Variants in KRT14 observed in about 807,000 individuals in gnomAD.
The protein encoded by KRT14 is keratin, type I cytoskeletal 14.
Under a neutral mutation model 44.5 loss-of-function variants are expected in KRT14, and 30 were observed. That is an observed-to-expected ratio of 0.67 (90% CI 0.50 to 0.92). The LOEUF is 0.92. Among genes scored for constraint, KRT14 ranks in the 40% least tolerant of loss-of-function variants. The probability of loss-of-function intolerance (pLI) is 0.00; values close to 1 mark genes in which losing one functional copy is unlikely to be tolerated. For missense variants in KRT14, 535 were observed against 640.6 expected, an observed-to-expected ratio of 0.84 and a Z score of 1.78; for synonymous variants, 241 against 257.6, an observed-to-expected ratio of 0.94 and a Z score of 0.62.
At chr17:41,585,096 A>G (rs371282638) in intron 1 of KRT14, 39 bp from the exon 2 acceptor site, 6 of 1,479,424 alleles carry the variant, frequency 4.1e-6, no homozygotes, top group Non-Finnish European at 5.7e-6. Context: ...TGTCAAATGG[A>G]CTTCACAAGC....
At chr17:41,584,557 C>G in intron 2 of KRT14, 144 bp from the exon 3 acceptor site, 1 of 814,518 alleles carries the variant, frequency 1.2e-6, no homozygotes, top group South Asian at 1.5e-5. Context: ...TGGTTGAACA[C>G]AGTGCCCATT....
In KRT14 at chr17:41,586,310, C is replaced by T. The variant is rs768714133; in HGVS notation, c.525G>A (p.Lys175=). 27 of 1,612,026 alleles carry T rather than the reference C, an allele frequency of 1.7e-5. No individual in the cohort carries two copies. The East Asian group carries it at 6.0e-4, about 36-fold the overall frequency. The stretch of plus-strand genomic sequence containing the variant: ...TGCCTTCTGCTGCCCATTCACCCAC[C>T]TTGTTCCTCAGGTCCTCAATGGTCT... ...YFKTIEDLRN[K]ILTATVDNAN... is the part of the protein sequence containing the mutation. The change falls in exon 1 of 8, where the codon AAG becomes AAA. Residue 175 remains lysine (K), a splice_region_variant and synonymous_variant. Coordinates refer to ENST00000167586, the MANE Select transcript of KRT14 (RefSeq NM_000526.5).
intron 3 of KRT14, 148 bp from the exon 4 acceptor site, chr17:41,584,069 C>CTCTCTTTT: frequency 3.3e-6 from 1 of 304,052 alleles, no homozygotes; most frequent in Admixed American, 5.6e-5. Context: ...CTCTCTCTCT[C>CTCTCTTTT]TTTTTTTTTT....
In KRT14 at chr17:41,584,247, T is replaced by C. The variant is rs1237477316; in HGVS notation, c.765+10A>G. ...TTTCTTTTAAGCTGACTTTTCCATATAGTTCTCACCTCCTCGTGGTTCTTC... is the reference window on the plus strand; with the variant it reads ...TTTCTTTTAAGCTGACTTTTCCATACAGTTCTCACCTCCTCGTGGTTCTTC... On this transcript the variant is annotated intron_variant, in intron 3 of 7. Transcript: ENST00000167586. The C allele has an allele frequency of 6.2e-7, 1 of 1,613,620 alleles. No individual in the cohort carries two copies. The highest frequency in any genetic ancestry group is 1.3e-5 in the African/African-American group (1 of 74,778).
Position 41,582,505 on chromosome 17 carries a change from G to C in KRT14, c.1349C>G (p.Thr450Ser). 1 of 1,570,802 alleles carries C rather than the reference G, an allele frequency of 6.4e-7. No homozygotes were observed. Among genetic ancestry groups the C allele is most frequent in the African/African-American group, 1.4e-5 (1 of 74,028 alleles). ...DVTSSSRQIR[T>S]KVMDVHDGKV... ...GCCATCGTGCACATCCATGACCTTG[G>C]TGCGGATTTGGCGGCTGGAGGAGGT... Residue 450 changes from threonine (T) to serine (S), a missense_variant, in exon 8 of 8, where the codon ACC becomes AGC. Transcript: ENST00000167586.
intron 5 of KRT14, 39 bp from the exon 6 acceptor site, chr17:41,583,494 T>A: frequency 6.2e-7 from 1 of 1,614,190 alleles, no homozygotes; most frequent in Non-Finnish European, 8.5e-7. Flanking sequence ...TTAGTGAGTG[T>A]GGCCGTTCTC....
intron 7 of KRT14, 138 bp downstream of exon 7, chr17:41,582,956 A>C (rs1285795367): frequency 1.2e-6 from 1 of 855,288 alleles, no homozygotes; most frequent in Non-Finnish European, 1.9e-6. Context: ...AGCTTCTTCC[A>C]CCCAAGGAGG....
intron 7 of KRT14, chr17:41,582,823 G>A: frequency 1.7e-6 from 1 of 602,428 alleles, no homozygotes; most frequent in South Asian, 2.0e-5. Context: ...GTCTCAGTGG[G>A]AAGAGCCCTG....
rs1378234794 is a variant in KRT14, at chr17:41,583,596, G to A, written c.1008C>T (p.Arg336=). ...GCTCAATCTCCAGGTTCTGCATGGTGCGCCGGAGCTCCGAGATCTCGCTCT... is the reference window on the plus strand; with the variant it reads ...GCTCAATCTCCAGGTTCTGCATGGTACGCCGGAGCTCCGAGATCTCGCTCT... ...SGKSEISELR[R]TMQNLEIELQ... Residue 336 remains arginine, a synonymous_variant, in exon 5 of 8, where the codon CGC becomes CGT. Transcript: ENST00000167586. The A allele has an allele frequency of 6.2e-7, 1 of 1,614,110 alleles. No individual in the cohort carries two copies. The highest frequency in any genetic ancestry group is 1.3e-5 in the African/African-American group (1 of 74,936).
rs202157466 is a variant in KRT14 at position 41,583,831 on chromosome 17, C to G, written c.856G>C (p.Glu286Gln). The G allele has an allele frequency of 1.0e-4, 163 of 1,614,182 alleles. No individual in the cohort carries two copies. Among genetic ancestry groups the G allele is most frequent in the Middle Eastern group, 4.9e-4 (3 of 6,062 alleles). Residue 286 changes from glutamate (E) to glutamine (Q), a missense_variant, in exon 4 of 8, where the codon GAG (glutamate) becomes CAG (glutamine). Coordinates refer to ENST00000167586, the MANE Select transcript of KRT14 (RefSeq NM_000526.5). ...ATCTTCTCATACTGGTCACGCATCT[C>G]GTTCAGAATGCGGCTCAGGTCCACG... is the stretch of plus-strand genomic sequence containing the variant. ...PGVDLSRILNEMRDQYEKMAE... is the reference protein window; with the variant it reads ...PGVDLSRILNQMRDQYEKMAE...
chr17:41,584,660 C>A (rs1166472387), intron 2 of KRT14, among the ~76,000 whole-genome samples: 2 of 152,180 alleles, frequency 1.3e-5, no homozygotes, highest in Non-Finnish European at 2.9e-5. Context: ...TAGCTTCAGC[C>A]AACAAATAAT....
In KRT14 at chr17:41,582,493, T is replaced by C. The variant is rs779259167; in HGVS notation, c.1361A>G (p.Asp454Gly). Residue 454 changes from aspartate (D) to glycine (G), a missense_variant, in exon 8 of 8, where the codon GAT becomes GGT. Coordinates refer to ENST00000167586, the MANE Select transcript of KRT14 (RefSeq NM_000526.5). ...SSRQIRTKVM[D>G]VHDGKVVSTH... ...GGACACCACCTTGCCATCGTGCACATCCATGACCTTGGTGCGGATTTGGCG... is the reference window on the plus strand; with the variant it reads ...GGACACCACCTTGCCATCGTGCACACCCATGACCTTGGTGCGGATTTGGCG... 9.0e-5 allele frequency: 142 copies of C among 1,573,568 alleles called. No individual in the cohort carries two copies. The highest frequency in any genetic ancestry group is 1.2e-4 in the Non-Finnish European group (136 of 1,159,422).
At chr17:41,582,998 G>A (rs1320936836) in intron 7 of KRT14, 96 bp downstream of exon 7, 3 of 1,205,540 alleles carry the variant, frequency 2.5e-6, no homozygotes, top group East Asian at 4.7e-5. Flanking sequence ...CAGCACTAGA[G>A]CTCAGCCCCT....
intron 3 of KRT14, 23 bp downstream of exon 3, chr17:41,584,234 T>C: frequency 1.2e-6 from 2 of 1,613,622 alleles, no homozygotes; most frequent in African/African-American, 1.3e-5. Flanking sequence ...TCTTTTAAGC[T>C]GACTTTTCCA....
Position 41,586,328 on chromosome 17 carries a change from A to G in KRT14, c.507T>C (p.Ile169=), listed in dbSNP as rs768114644. The G allele has an allele frequency of 1.1e-5, 18 of 1,612,310 alleles. No homozygotes were observed. The highest frequency in any genetic ancestry group is 1.4e-5 in the Non-Finnish European group (17 of 1,179,904). ...CACCCACCTTGTTCCTCAGGTCCTC[A>G]ATGGTCTTGAAGTAGGGACTGTAGT... The part of the protein sequence containing the change: ...IKDYSPYFKT[I]EDLRNKILTA... The change falls in exon 1 of 8, where the codon ATT becomes ATC. Residue 169 remains isoleucine, a synonymous_variant. Coordinates refer to ENST00000167586, the MANE Select transcript of KRT14 (RefSeq NM_000526.5).
chr17:41,585,047 G>C lies in KRT14; in HGVS notation c.536C>G (p.Ala179Gly). 6.2e-7 allele frequency: 1 copy of C among 1,613,636 alleles called. No homozygotes were observed. The highest frequency in any genetic ancestry group is 8.5e-7 in the Non-Finnish European group (1 of 1,179,544). ...IEDLRNKILT[A>G]TVDNANVLLQ... is the part of the protein sequence containing the mutation. ...AAGGACATTGGCATTGTCCACTGTG[G>C]CTGTGAGAATCTGCAGGATGGAAAA... The change falls in exon 2 of 8, where the codon GCC becomes GGC. Residue 179 changes from alanine (A) to glycine (G), a missense_variant. By Grantham distance (60) the Ala-to-Gly change is moderately conservative. Transcript: ENST00000167586.
intron 6 of KRT14, 43 bp downstream of exon 6, chr17:41,583,192 A>C: frequency 6.2e-7 from 1 of 1,602,482 alleles, no homozygotes; most frequent in East Asian, 2.2e-5. Context: ...GGGCCGTGAG[A>C]GTGCCATGGG....
At position 41,582,423 on chromosome 17, in the gene KRT14, G is replaced by A. The variant is rs566019764; in HGVS notation, c.*12C>T. On this transcript the variant is annotated 3_prime_UTR_variant, in exon 8 of 8. Coordinates refer to ENST00000167586, the MANE Select transcript of KRT14 (RefSeq NM_000526.5). ...CGGGGGGCCTCCTAGGCCTGAGCGG[G>A]GCTGGGCAGCCTCAGTTCTTGGTGC... 6 of 1,553,246 alleles carry A rather than the reference G, an allele frequency of 3.9e-6. No individual in the cohort carries two copies. Among genetic ancestry groups the A allele is most frequent in the Middle Eastern group, 1.9e-4 (1 of 5,268 alleles).
In KRT14 at chr17:41,583,050, G is replaced by A. The variant is rs113794908; in HGVS notation, c.1321+44C>T. ...AATGCCTAGACCTGCTTGGGGTACA[G>A]AGGGTGGCCTGGAGCCCAGGCCTGC... On this transcript the variant is annotated intron_variant, in intron 7 of 7. Transcript: ENST00000167586. 4.5e-3 allele frequency: 7,186 copies of A among 1,590,806 alleles called. 221 individuals carry two copies. In the African/African-American group the frequency reaches 0.076, roughly 17 times the overall value.
Sources: gnomAD v4.1 joint callset for allele counts (sites outside exome capture counted in the v4.1 genomes callset) on GRCh38, gnomAD v4.1.1 for gene constraint, MANE v1.5 for transcripts, NCBI Gene and HGNC (gene_info 2026-07-23, HGNC 2026-07-21) for gene names.